CFAP47: variants seen among roughly 807,000 people sequenced by gnomAD.
The protein encoded by CFAP47 is cilia- and flagella-associated protein 47.
Under a neutral mutation model 148.1 loss-of-function variants are expected in CFAP47, and 29 were observed. The observed-to-expected ratio is 0.20, with a 90% CI of 0.15 to 0.27. The LOEUF (loss-of-function observed/expected upper bound fraction) is 0.27, where lower values mean the gene tolerates loss of function less well. CFAP47 is among the 10% of genes least tolerant of loss of function. CFAP47 has a pLI of 1.00. For synonymous variants in CFAP47, 664 were observed against 577.3 expected (o/e 1.15, Z -2.15); for missense variants, 1,872 against 1,697.5 (o/e 1.10, Z -1.81).
chrX:36,314,869 C>T (rs954369984), intron 56 of CFAP47, among the ~76,000 whole-genome samples: 2 of 111,229 alleles, frequency 1.8e-5, no homozygotes, highest in African/African-American at 6.5e-5. Flanking sequence ...CTTTATAACC[C>T]GCATTTTGAA....
At chrX:36,319,475 C>CATAT (rs782171431) in intron 57 of CFAP47, among the ~76,000 whole-genome samples, 168 bp downstream of exon 57, 2 of 105,361 alleles carry the variant, frequency 1.9e-5, no homozygotes, top group Non-Finnish European at 3.9e-5. Flanking sequence ...GATGGTAAAA[C>CATAT]ATATATATAT....
intron 42 of CFAP47, among the ~76,000 whole-genome samples, chrX:36,194,804 T>C (rs1313107193): frequency 8.9e-6 from 1 of 111,776 alleles, no homozygotes; most frequent in Non-Finnish European, 1.9e-5. Context: ...ATCTAATCAC[T>C]TCCTACCAGA....
chrX:36,305,984 A>G (rs1941344873), intron 54 of CFAP47, among the ~76,000 whole-genome samples: 1 of 112,160 alleles, frequency 8.9e-6, no homozygotes, highest in African/African-American at 3.2e-5. Context: ...TTTATTGGGC[A>G]TCAACTGCTG....
At chrX:35,923,493 GA>G (rs1464532191) in intron 1 of CFAP47, among the ~76,000 whole-genome samples, 1 of 110,603 alleles carries the variant, frequency 9.0e-6, no homozygotes, top group Non-Finnish European at 1.9e-5. Context: ...TCCAAGTTAT[GA>G]AGCTCAAATT....
chrX:36,384,582 ATC>A (rs1455215190), intron 63 of CFAP47, among the ~76,000 whole-genome samples: 1 of 111,869 alleles, frequency 8.9e-6, no homozygotes, highest in African/African-American at 3.2e-5. Flanking sequence ...TACAGGGAGA[ATC>A]TCTGAGAGAT....
At chrX:36,225,425 A>C (rs949790727) in intron 45 of CFAP47, among the ~76,000 whole-genome samples, 2 of 111,648 alleles carry the variant, frequency 1.8e-5, no homozygotes, top group Non-Finnish European at 1.9e-5. Context: ...GGTGCTAGTC[A>C]GGTGCCCACA....
chrX:36,196,365 C>T (rs1258521891), intron 42 of CFAP47, among the ~76,000 whole-genome samples: 1 of 111,249 alleles, frequency 9.0e-6, no homozygotes, highest in Non-Finnish European at 1.9e-5. Flanking sequence ...ATTGCTCAGC[C>T]TTCTCAAACA....
chrX:36,152,713 T>C (rs73472842), intron 37 of CFAP47, among the ~76,000 whole-genome samples: 4,906 of 111,708 alleles, frequency 0.044, 280 homozygotes, highest in African/African-American at 0.15. Context: ...ATTGTGTTAC[T>C]TCAGGGTCTT....
intron 30 of CFAP47, among the ~76,000 whole-genome samples, chrX:36,087,947 C>T (rs1367788009): frequency 9.0e-6 from 1 of 111,391 alleles, no homozygotes; most frequent in Non-Finnish European, 1.9e-5. Flanking sequence ...TTGGTTTCTT[C>T]CGAGGTTTCT....
In CFAP47 at chrX:36,371,825, C is replaced by T. The variant is rs183824415; in HGVS notation, c.9185+4698C>T. On this transcript the variant is annotated intron_variant, in intron 62 of 63. Transcript: ENST00000378653. ...ACACATGTATATATGTGTGCATATA[C>T]ACACATGTGTGTATATGTGTGTATA... Among the ~76,000 whole-genome samples, 150 of 66,269 alleles carry T rather than the reference C, an allele frequency of 2.3e-3. 5 individuals carry two copies. Among genetic ancestry groups the T allele is most frequent in the Non-Finnish European group, 3.4e-3 (129 of 37,742 alleles). The allele number at this position is 66,269 out of a possible 115,157, so 57.5% of individuals were successfully genotyped here.
chrX:35,943,178 G>GTGTGTTCATGATAATAGCAATT, intron 3 of CFAP47, among the ~76,000 whole-genome samples: 1 of 111,698 alleles, frequency 9.0e-6, no homozygotes, highest in Admixed American at 9.5e-5. Flanking sequence ...TAATAGCAAT[G>GTGTGTTCATGATAATAGCAATT]TATATTCATG....
intron 29 of CFAP47, among the ~76,000 whole-genome samples, chrX:36,082,359 T>G (rs1937999129): frequency 9.0e-6 from 1 of 111,440 alleles, no homozygotes; most frequent in South Asian, 3.7e-4. Context: ...CTTCCCCTAA[T>G]CACCAGAAGA....
chrX:36,269,758 AACTGTC>A (rs1940936626), intron 49 of CFAP47, among the ~76,000 whole-genome samples: 1 of 112,161 alleles, frequency 8.9e-6, no homozygotes, highest in African/African-American at 3.2e-5. Context: ...TAATAAGTAT[AACTGTC>A]ACTCCAAAAA....
chrX:36,122,694 A>T (rs1428407010), intron 33 of CFAP47, among the ~76,000 whole-genome samples: 1 of 111,197 alleles, frequency 9.0e-6, no homozygotes, highest in Non-Finnish European at 1.9e-5. Context: ...TATAATTCTG[A>T]ATTCCTTCTC....
intron 21 of CFAP47, among the ~76,000 whole-genome samples, chrX:36,003,534 A>G (rs1200798851): frequency 9.0e-6 from 1 of 110,556 alleles, no homozygotes; most frequent in Non-Finnish European, 1.9e-5. Context: ...TATTTAAATT[A>G]GTCTTATAAT....
At chrX:36,321,364 T>C (rs1450444125) in intron 57 of CFAP47, among the ~76,000 whole-genome samples, 1 of 110,630 alleles carries the variant, frequency 9.0e-6, no homozygotes, top group African/African-American at 3.3e-5. Flanking sequence ...TTACCAGAGA[T>C]TGGGAAGAGT....
In CFAP47 at chrX:36,161,839, G is replaced by T. The variant is rs1490876529; in HGVS notation, c.6026+1070G>T. 2.7e-5 allele frequency among the ~76,000 whole-genome samples: 3 copies of T among 111,785 alleles called. No individual in the cohort carries two copies. In the East Asian group the frequency reaches 8.4e-4, roughly 31 times the overall value. On this transcript the variant is annotated intron_variant, in intron 39 of 63. Coordinates refer to ENST00000378653, the MANE Select transcript of CFAP47 (RefSeq NM_001304548.2). ...TGGTCATTTTGTTTTAAAAAATATT[G>T]TTTTGAAACAGTGATTGGTAAATAC...
At chrX:36,275,221 G>T (rs6629064) in intron 49 of CFAP47, among the ~76,000 whole-genome samples, 13,647 of 108,948 alleles carry the variant, frequency 0.13, 696 homozygotes, top group East Asian at 0.26. Context: ...CTACAGGCGG[G>T]TGCCACCACA....
chrX:35,965,668 C>T (rs1418991743), intron 8 of CFAP47, among the ~76,000 whole-genome samples: 2 of 111,094 alleles, frequency 1.8e-5, no homozygotes, highest in Non-Finnish European at 3.8e-5. Flanking sequence ...TAATATATAC[C>T]TATATATTTG....
Sources: allele counts gnomAD v4.1 joint callset (sites outside exome capture counted in the v4.1 genomes callset), GRCh38; gene constraint gnomAD v4.1.1; transcripts MANE v1.5; gene names NCBI Gene and HGNC (gene_info 2026-07-23, HGNC 2026-07-21).